CBARP: variants seen among roughly 807,000 people sequenced by gnomAD.
CBARP encodes the protein CACN subunit beta associated regulatory protein, also known as voltage-dependent calcium channel beta subunit-associated regulatory protein.
CBARP carries 24 observed loss-of-function variants against 36.3 expected under a neutral mutation model. The observed-to-expected ratio is 0.66, with a 90% CI of 0.48 to 0.93. The LOEUF is 0.93. Among genes scored for constraint, CBARP ranks in the 40% least tolerant of loss-of-function variants. The pLI is 0.00. For missense variants in CBARP, 1,146 were observed against 980.4 expected, an observed-to-expected ratio of 1.17 and a Z score of -2.26; for synonymous variants, 586 against 453.2, an observed-to-expected ratio of 1.29 and a Z score of -3.72.
intron 9 of CBARP, chr19:1,230,599 A>G: frequency 1.7e-6 from 2 of 1,194,778 alleles, no homozygotes; most frequent in Non-Finnish European, 2.1e-6. Flanking sequence ...CCGCCATACC[A>G]GGGCTGCCCC....
Position 1,229,248 on chromosome 19 carries a change from G to C in CBARP, c.2049C>G (p.Ala683=). 8.1e-7 allele frequency: 1 copy of C among 1,240,724 alleles called. No homozygotes were observed. The highest frequency in any genetic ancestry group is 1.0e-6 in the Non-Finnish European group (1 of 967,552). The allele number at this position is 1,240,724 out of a possible 1,614,324, so 76.9% of individuals were successfully genotyped here. A position where few individuals can be genotyped will look rare whatever the true frequency, so the allele number is the denominator to read the frequency against. ...ACGCGGGAGTCGCCACGACGGGCTC[G>C]GCGAGGCGCGGCGGAAAGAGTCTCT... ...LDERLFPPRL[A]EPVVATPALV... The change falls in exon 10 of 10, where the codon GCC becomes GCG. Residue 683 remains alanine, a synonymous_variant. Coordinates refer to ENST00000650044, the MANE Select transcript of CBARP (RefSeq NM_001393918.1). This position sits in a 1 kb window ranked among gnomAD's most constrained non-coding sequence, Gnocchi z 5.1.
Position 1,229,711 on chromosome 19 carries a change from G to T in CBARP, c.1586C>A (p.Pro529Gln). 1 of 987,072 alleles carries T rather than the reference G, an allele frequency of 1.0e-6. No individual in the cohort carries two copies. Among genetic ancestry groups the T allele is most frequent in the South Asian group, 4.1e-5 (1 of 24,652 alleles). 61.1% of individuals were successfully genotyped at this position (987,072 alleles called of 1,614,324 possible). Residue 529 changes from proline (P) to glutamine (Q), a missense_variant, in exon 10 of 10, where the codon CCG becomes CAG. Transcript: ENST00000650044. The surrounding 1 kb of genome is among the most constrained non-coding windows in gnomAD (Gnocchi z 5.1). ...GCGCGGGCGGCGGGGCCAGGCGCGC[G>T]GGCTGCGGGGCCGGGCGGGCGCGGC... ...PPAAPARPRS[P>Q]RAWPRRPRRD... is the part of the protein sequence containing the mutation.
rs200775133 is a variant in CBARP at position 1,234,789 on chromosome 19, A to G, written c.456-47T>C. The G allele has an allele frequency of 4.4e-6, 7 of 1,583,886 alleles. No individual in the cohort carries two copies. In the Admixed American group the frequency reaches 1.1e-4, roughly 24 times the overall value. ...AGAGCCCGCCCACCTCCCATGCCCG[A>G]TGCCCCAGCTGCCGTGCTCTGCCAT... On this transcript the variant is annotated intron_variant, in intron 5 of 9. Transcript: ENST00000650044.
chr19:1,234,904 C>A, intron 5 of CBARP, 97 bp downstream of exon 5: 1 of 1,514,060 alleles, frequency 6.6e-7, no homozygotes, highest in Non-Finnish European at 8.8e-7. Flanking sequence ...GAGCCTCTGC[C>A]TTGGTCCCTG....
In CBARP at chr19:1,233,304, A is replaced by G. The variant is rs549414707; in HGVS notation, c.979+122T>C. 5.8e-5 allele frequency: 58 copies of G among 1,008,234 alleles called. No homozygotes were observed. The East Asian group carries it at 1.3e-3, about 23-fold the overall frequency. 62.5% of individuals were successfully genotyped at this position (1,008,234 alleles called of 1,614,324 possible). On this transcript the variant is annotated intron_variant, in intron 8 of 9. Transcript: ENST00000650044. ...CCCGCTGGCAGACTGGGCAGGACTCAGCCCCAGAGCACCGGCTCCCCACCC... is the reference window on the plus strand; with the variant it reads ...CCCGCTGGCAGACTGGGCAGGACTCGGCCCCAGAGCACCGGCTCCCCACCC...
rs758813156 is a variant in CBARP, at chr19:1,231,259, G to C, written c.996C>G (p.His332Gln). 2.5e-6 allele frequency: 4 copies of C among 1,601,156 alleles called. No individual in the cohort carries two copies. The highest frequency in any genetic ancestry group is 1.1e-5 in the South Asian group (1 of 91,064). The change falls in exon 9 of 10, where the codon CAC (histidine) becomes CAG (glutamine). Residue 332 changes from histidine (H) to glutamine (Q), a missense_variant. His to Gln is a conservative substitution (Grantham distance 24, BLOSUM62 0). Coordinates refer to ENST00000650044, the MANE Select transcript of CBARP (RefSeq NM_001393918.1). The stretch of plus-strand genomic sequence containing the variant: ...TGGCTGCCCGCTGCCGCTGGAAGTG[G>C]TGCCGCTTGGGGGAACCTGCGCACG... ...SLDTRGSPKRHHFQRQRAASE... is the reference protein window; with the variant it reads ...SLDTRGSPKRQHFQRQRAASE...
At chr19:1,233,926 G>A (rs528809993) in intron 7 of CBARP, among the ~76,000 whole-genome samples, 1 of 152,324 alleles carries the variant, frequency 6.6e-6, no homozygotes, top group African/African-American at 2.4e-5. Context: ...GCAGGTGAGG[G>A]AGGGCAGGGG....
rs916646004 is a variant in CBARP at position 1,228,752 on chromosome 19, C to T, written c.*427G>A. The T allele has an allele frequency of 2.1e-5, 3 of 145,906 alleles. No homozygotes were observed. Among genetic ancestry groups the T allele is most frequent in the African/African-American group, 5.0e-5 (2 of 39,942 alleles). The allele number at this position is 145,906 out of a possible 1,614,324, so 9.0% of individuals were successfully genotyped here. On this transcript the variant is annotated 3_prime_UTR_variant, in exon 10 of 10. Transcript: ENST00000650044. ...GCCCGGGCGAGCTCGCGCACGCGCC[C>T]GGCACGCGGCGGCTCCATCGGGCCC...
At chr19:1,237,222 G>A (rs1431713874) in intron 1 of CBARP, among the ~76,000 whole-genome samples, 1 of 152,248 alleles carries the variant, frequency 6.6e-6, no homozygotes, top group Non-Finnish European at 1.5e-5. Flanking sequence ...GCAGGGTCCC[G>A]GCGGGGGCTG....
chr19:1,233,371 G>T, intron 8 of CBARP, 55 bp downstream of exon 8: 1 of 1,488,516 alleles, frequency 6.7e-7, no homozygotes, highest in Non-Finnish European at 9.1e-7. Context: ...GGCAGCCCCT[G>T]GCAGCCAGCA....
Position 1,229,684 on chromosome 19 carries a change from CG to C in CBARP, c.1612del (p.Arg538AlafsTer290). 1 of 1,066,028 alleles carries C rather than the reference CG, an allele frequency of 9.4e-7. No individual in the cohort carries two copies. The highest frequency in any genetic ancestry group is 1.1e-6 in the Non-Finnish European group (1 of 871,592). The allele number at this position is 1,066,028 out of a possible 1,614,324, so 66.0% of individuals were successfully genotyped here. ...SPRAWPRRPR[R>X]DYSIDEKTDA... is the part of the protein sequence containing the mutation. ...CGTCTTCTCGTCGATGCTGTAGTCGCGGCGCGGGCGGCGGGGCCAGGCGCGC... is the reference window on the plus strand; with the variant it reads ...CGTCTTCTCGTCGATGCTGTAGTCGCGCGCGGGCGGCGGGGCCAGGCGCGC... On this transcript the variant is annotated frameshift_variant, in exon 10 of 10. Transcript: ENST00000650044. LOFTEE classifies it low-confidence loss of function (END_TRUNC). This position sits in a 1 kb window ranked among gnomAD's most constrained non-coding sequence, Gnocchi z 5.1.
rs142951307 is a variant in CBARP at position 1,228,488 on chromosome 19, G to A, written c.*691C>T. 3,939 of 198,460 alleles carry A rather than the reference G, an allele frequency of 0.02. 53 individuals are homozygous for A. Among genetic ancestry groups the A allele is most frequent in the Middle Eastern group, 0.035 (20 of 578 alleles). 12.3% of individuals were successfully genotyped at this position (198,460 alleles called of 1,614,324 possible). ...CGTGGATGGGGCGGCAGCGGGGCGGGCGCCGTTGACATGCGGAGGGCAGTG... is the reference window on the plus strand; with the variant it reads ...CGTGGATGGGGCGGCAGCGGGGCGGACGCCGTTGACATGCGGAGGGCAGTG... On this transcript the variant is annotated 3_prime_UTR_variant, in exon 10 of 10. Coordinates refer to ENST00000650044, the MANE Select transcript of CBARP (RefSeq NM_001393918.1).
In CBARP at chr19:1,234,591, C is replaced by T. The variant is rs1278395979; in HGVS notation, c.607G>A (p.Ala203Thr). 1 of 1,606,532 alleles carries T rather than the reference C, an allele frequency of 6.2e-7. No individual in the cohort carries two copies. Among genetic ancestry groups the T allele is most frequent in the Admixed American group, 1.7e-5 (1 of 59,036 alleles). The change falls in exon 6 of 10, where the codon GCC becomes ACC. Residue 203 changes from alanine to threonine, a missense_variant. Coordinates refer to ENST00000650044, the MANE Select transcript of CBARP (RefSeq NM_001393918.1). ...TTPHPATSPK[A>T]TLAIFQPPGK... Reference sequence around the variant, plus strand: ...CTCACCTGGAAGATGGCCAGAGTGGCCTTGGGAGAGGTGGCCGGGTGGGGC... The same window carrying T: ...CTCACCTGGAAGATGGCCAGAGTGGTCTTGGGAGAGGTGGCCGGGTGGGGC...
In CBARP at chr19:1,235,838, C is replaced by T; in HGVS notation, c.186G>A (p.Val62=). Residue 62 remains valine, a synonymous_variant, in exon 3 of 10, where the codon GTG becomes GTA. Transcript: ENST00000650044. ...TGCAGAGGAGCAGGACGCCAGACAA[C>T]ACCACCAGCGTGCCCCCCACGAACA... ...MSLFVGGTLV[V]LSGVLLLCKR... 1 of 1,611,446 alleles carries T rather than the reference C, an allele frequency of 6.2e-7. No homozygotes were observed. Among genetic ancestry groups the T allele is most frequent in the Middle Eastern group, 1.6e-4 (1 of 6,062 alleles).
chr19:1,234,545 A>G (rs746415022), intron 6 of CBARP, 26 bp downstream of exon 6: 5 of 1,579,886 alleles, frequency 3.2e-6, no homozygotes. Context: ...CCCCCGAGGA[A>G]CCGGGGCTGC....
chr19:1,230,119 C>T lies in CBARP; in HGVS notation c.1178G>A (p.Gly393Glu). 9.5e-7 allele frequency: 1 copy of T among 1,050,356 alleles called. No individual in the cohort carries two copies. Among genetic ancestry groups the T allele is most frequent in the Non-Finnish European group, 1.2e-6 (1 of 867,544 alleles). The allele number at this position is 1,050,356 out of a possible 1,614,324, so 65.1% of individuals were successfully genotyped here. A position where few individuals can be genotyped will look rare whatever the true frequency, so the allele number is the denominator to read the frequency against. ...LGRLEAAEAA[G>E]GASPDSPPER... Reference sequence around the variant, plus strand: ...CGGGGGGGAATCGGGGCTCGCTCCTCCCGCTGCCTCGGCCGCCTCTAGCCT... The same window carrying T: ...CGGGGGGGAATCGGGGCTCGCTCCTTCCGCTGCCTCGGCCGCCTCTAGCCT... Residue 393 changes from glycine to glutamate, a missense_variant, in exon 10 of 10, where the codon GGA becomes GAA. Coordinates refer to ENST00000650044, the MANE Select transcript of CBARP (RefSeq NM_001393918.1).
intron 8 of CBARP, among the ~76,000 whole-genome samples, chr19:1,233,134 C>T (rs936724991): frequency 1.3e-5 from 2 of 152,354 alleles, no homozygotes; most frequent in East Asian, 1.9e-4. Flanking sequence ...CCTCCTTTAC[C>T]ACCTCATCCT....
At position 1,229,718 on chromosome 19, in the gene CBARP, G is replaced by A. The variant is rs2080864510; in HGVS notation, c.1579C>T (p.Arg527Cys). ...CGGCGGGGCCAGGCGCGCGGGCTGC[G>A]GGGCCGGGCGGGCGCGGCAGGTGGC... The part of the protein sequence containing the change: ...TEPPAAPARP[R>C]SPRAWPRRPR... Residue 527 changes from arginine (R) to cysteine (C), a missense_variant, in exon 10 of 10, where the codon CGC becomes TGC. Physicochemically the swap from Arg to Cys is radical, Grantham distance 180. Transcript: ENST00000650044. The surrounding 1 kb of genome is among the most constrained non-coding windows in gnomAD (Gnocchi z 5.1). The A allele has an allele frequency of 2.0e-6, 2 of 983,980 alleles. No individual in the cohort carries two copies. Among genetic ancestry groups the A allele is most frequent in the African/African-American group, 1.8e-5 (1 of 56,430 alleles). 61.0% of individuals were successfully genotyped at this position (983,980 alleles called of 1,614,324 possible).
rs1490085701 is a variant in CBARP, at chr19:1,235,565, C to T, written c.246G>A (p.Arg82=). 6.2e-7 allele frequency: 1 copy of T among 1,608,052 alleles called. No homozygotes were observed. The highest frequency in any genetic ancestry group is 1.7e-5 in the Admixed American group (1 of 59,312). The change falls in exon 4 of 10, where the codon AGG becomes AGA. Residue 82 remains arginine, a splice_region_variant and synonymous_variant. Coordinates refer to ENST00000650044, the MANE Select transcript of CBARP (RefSeq NM_001393918.1). ...RCWDVHQRLN[R]AMEEAEKTTT... The stretch of plus-strand genomic sequence containing the variant: ...TGGTCTTCTCCGCTTCCTCCATGGC[C>T]CTGGGAGAGACGTTGGGAGAGCCCA...
Sources: allele counts gnomAD v4.1 joint callset (sites outside exome capture counted in the v4.1 genomes callset), GRCh38; gene constraint gnomAD v4.1.1; non-coding constraint Gnocchi (gnomAD v3.1); transcripts MANE v1.5; gene names NCBI Gene and HGNC (gene_info 2026-07-23, HGNC 2026-07-21).